ATP6V1H: variants seen among roughly 807,000 people sequenced by gnomAD.
The protein encoded by ATP6V1H is ATPase H+ transporting V1 subunit H.
A neutral mutation model predicts 71.7 loss-of-function variants in ATP6V1H; 39 were observed. The ratio of observed to expected loss-of-function variants is 0.54; its 90% CI spans 0.42 to 0.71. The LOEUF (loss-of-function observed/expected upper bound fraction) is 0.71, where lower values mean the gene tolerates loss of function less well. Among genes scored for constraint, ATP6V1H ranks in the 30% least tolerant of loss-of-function variants. The pLI is 0.00. For synonymous variants in ATP6V1H, 192 were observed against 199.3 expected, an observed-to-expected ratio of 0.96 and a Z score of 0.31; for missense variants, 509 against 594.9, an observed-to-expected ratio of 0.86 and a Z score of 1.50.
intron 12 of ATP6V1H, among the ~76,000 whole-genome samples, chr8:53,749,713 T>C (rs560671571): frequency 2.4e-4 from 35 of 148,378 alleles, no homozygotes; most frequent in Non-Finnish European, 3.4e-4. Context: ...TCCTGGAATA[T>C]AGAAAGGTGG....
At chr8:53,789,542 T>C (rs537469075) in intron 9 of ATP6V1H, among the ~76,000 whole-genome samples, 1 of 152,218 alleles carries the variant, frequency 6.6e-6, no homozygotes, top group South Asian at 2.1e-4. Flanking sequence ...ACTTAAAATA[T>C]TCTAAATAAT....
At chr8:53,771,528 G>C (rs1041835358) in intron 10 of ATP6V1H, among the ~76,000 whole-genome samples, 32 of 152,196 alleles carry the variant, frequency 2.1e-4, no homozygotes, top group African/African-American at 7.2e-4. Flanking sequence ...GTGGCATGGA[G>C]TCCCTTCCAT....
At chr8:53,804,456 C>A (rs1161622947) in intron 7 of ATP6V1H, among the ~76,000 whole-genome samples, 1 of 152,186 alleles carries the variant, frequency 6.6e-6, no homozygotes, top group Non-Finnish European at 1.5e-5. Flanking sequence ...GGGTAGATCA[C>A]TTGAGGTCAG....
chr8:53,766,236 G>A (rs959672341), intron 11 of ATP6V1H, among the ~76,000 whole-genome samples: 1 of 152,158 alleles, frequency 6.6e-6, no homozygotes, highest in Non-Finnish European at 1.5e-5. Context: ...TAATACTTTT[G>A]TAATTTCTCA....
chr8:53,757,023 A>G (rs1370376872), intron 11 of ATP6V1H, among the ~76,000 whole-genome samples: 1 of 152,232 alleles, frequency 6.6e-6, no homozygotes, highest in Non-Finnish European at 1.5e-5. Context: ...TACTGGGACA[A>G]GTGACTTTCA....
intron 5 of ATP6V1H, among the ~76,000 whole-genome samples, chr8:53,815,753 ACT>A (rs1172776263): frequency 6.6e-6 from 1 of 152,218 alleles, no homozygotes; most frequent in Non-Finnish European, 1.5e-5. Flanking sequence ...TAAAAAGATT[ACT>A]GTTAGGAGGC....
intron 6 of ATP6V1H, 105 bp downstream of exon 6, chr8:53,814,557 A>G: frequency 1.5e-6 from 1 of 655,462 alleles, no homozygotes; most frequent in Non-Finnish European, 2.5e-6. Flanking sequence ...AAACGGCATT[A>G]TTTTAATAAA....
intron 13 of ATP6V1H, among the ~76,000 whole-genome samples, chr8:53,724,148 C>T (rs532365869): frequency 5.8e-4 from 88 of 152,196 alleles, no homozygotes; most frequent in African/African-American, 2.1e-3. Flanking sequence ...CTTTCAAAAA[C>T]CTACAAACAA....
chr8:53,755,720 ATATATATATATATATATATATATATT>A (rs1563451148), intron 12 of ATP6V1H, among the ~76,000 whole-genome samples: 9 of 5,412 alleles, frequency 1.7e-3, no homozygotes, highest in Non-Finnish European at 2.9e-3. Context: ...ATATATATAT[ATATATATATATATATATATATATATT>A]TTTTTTTTTT....
intron 2 of ATP6V1H, among the ~76,000 whole-genome samples, chr8:53,835,538 A>T (rs895777283): frequency 1.3e-5 from 2 of 152,202 alleles, no homozygotes; most frequent in African/African-American, 4.8e-5. Flanking sequence ...GGTTTTGTAC[A>T]TACTACTGCT....
intron 9 of ATP6V1H, among the ~76,000 whole-genome samples, chr8:53,775,802 C>G (rs1299077126): frequency 1.3e-5 from 2 of 152,240 alleles, no homozygotes; most frequent in African/African-American, 4.8e-5. Flanking sequence ...AGACTCTCCA[C>G]GTCCCCACCA....
chr8:53,795,550 A>G, intron 9 of ATP6V1H, 97 bp downstream of exon 9: 4 of 1,076,956 alleles, frequency 3.7e-6, no homozygotes, highest in Non-Finnish European at 5.5e-6. Context: ...CATAACCACA[A>G]GAAGAACAAG....
Position 53,729,019 on chromosome 8 carries a change from A to T in ATP6V1H, c.1392-12995T>A, listed in dbSNP as rs148263313. On this transcript the variant is annotated intron_variant, in intron 13 of 13. Coordinates refer to ENST00000359530, the MANE Select transcript of ATP6V1H (RefSeq NM_015941.4). ...TAAACCTTTAATGAACAAATTAATA[A>T]TTAATACAATTAGTCTTGTTGTTCC... Among the ~76,000 whole-genome samples, 347 of 152,316 alleles carry T rather than the reference A, an allele frequency of 2.3e-3. 2 individuals carry two copies. The highest frequency in any genetic ancestry group is 8.1e-3 in the African/African-American group (336 of 41,564).
At chr8:53,788,825 A>G (rs1809468911) in intron 9 of ATP6V1H, among the ~76,000 whole-genome samples, 1 of 152,256 alleles carries the variant, frequency 6.6e-6, no homozygotes, top group South Asian at 2.1e-4. Flanking sequence ...ATAAAGGTAC[A>G]TAATTAATTC....
chr8:53,767,047 G>A (rs562287491), intron 11 of ATP6V1H, among the ~76,000 whole-genome samples: 6 of 152,092 alleles, frequency 3.9e-5, no homozygotes, highest in Admixed American at 1.3e-4. Context: ...GGGGCATCAC[G>A]GATCCTACCA....
intron 12 of ATP6V1H, among the ~76,000 whole-genome samples, chr8:53,748,699 T>C (rs958752114): frequency 2.0e-5 from 3 of 152,222 alleles, no homozygotes; most frequent in Non-Finnish European, 4.4e-5. Context: ...TATATATGCA[T>C]GGGGAAAAAA....
At chr8:53,767,827 CAAGAACCCAAATGT>C (rs1245752112) in intron 11 of ATP6V1H, among the ~76,000 whole-genome samples, 1 of 152,176 alleles carries the variant, frequency 6.6e-6, no homozygotes, top group Admixed American at 6.5e-5. Context: ...CAAAATGGAT[CAAGAACCCAAATGT>C]AAGAACTAAA....
chr8:53,801,992 G>T, intron 7 of ATP6V1H, 96 bp from the exon 8 acceptor site: 1 of 1,078,208 alleles, frequency 9.3e-7, no homozygotes, highest in Non-Finnish European at 1.3e-6. Context: ...TTACCTACTG[G>T]AATTACCATC....
At chr8:53,756,245 C>CT (rs201116200) in intron 12 of ATP6V1H, 7,671 of 130,284 alleles carry the variant, frequency 0.059, 644 homozygotes, top group African/African-American at 0.19. Flanking sequence ...TAATTTTTTT[C>CT]TTTTTTTTTT....
Sources: gnomAD v4.1 joint callset for allele counts (sites outside exome capture counted in the v4.1 genomes callset) on GRCh38, gnomAD v4.1.1 for gene constraint, MANE v1.5 for transcripts, NCBI Gene and HGNC (gene_info 2026-07-23, HGNC 2026-07-21) for gene names.